EML6: variants seen among roughly 807,000 people sequenced by gnomAD.
The protein encoded by EML6 is EMAP like 6, also known as echinoderm microtubule-associated protein-like 6.
Under a neutral mutation model 240.1 loss-of-function variants are expected in EML6, and 154 were observed. That is an observed-to-expected ratio of 0.64 (90% confidence interval 0.56 to 0.73). The LOEUF (loss-of-function observed/expected upper bound fraction) is 0.73, where lower values mean the gene tolerates loss of function less well. Ranked by LOEUF, EML6 falls within the 30% of genes least tolerant of loss-of-function variation. The pLI, the probability that EML6 is intolerant of heterozygous loss-of-function variation, is 0.00. For synonymous variants in EML6, 1,148 were observed against 899.0 expected (o/e 1.28, Z -4.95); for missense variants, 2,964 against 2,474.6 (o/e 1.20, Z -4.20).
At chr2:54,953,403 T>C (rs1676077389) in intron 31 of EML6, among the ~76,000 whole-genome samples, 2 of 152,238 alleles carry the variant, frequency 1.3e-5, no homozygotes, top group African/African-American at 4.8e-5. Context: ...TCTTGCCGAA[T>C]TGCAGATACA....
In EML6 at chr2:54,863,735, CAG is replaced by C. The variant is rs1201110773; in HGVS notation, c.1826-45_1826-44del. 6 of 923,690 alleles carry C rather than the reference CAG, an allele frequency of 6.5e-6. No individual in the cohort carries two copies. In the East Asian group the frequency reaches 1.3e-4, roughly 21 times the overall value. The allele number at this position is 923,690 out of a possible 1,614,324, so 57.2% of individuals were successfully genotyped here. ...AATATTTTAGATAATTTCAGTTGCT[CAG>C]AGTCTCAGAATTTTTGCTTGTTTCT... On this transcript the variant is annotated intron_variant, in intron 12 of 41. Transcript: ENST00000356458.
intron 7 of EML6, among the ~76,000 whole-genome samples, chr2:54,842,289 A>C (rs1172628617): frequency 6.6e-6 from 1 of 152,148 alleles, no homozygotes; most frequent in African/African-American, 2.4e-5. Context: ...AACAGTTTTT[A>C]GAATGTTATA....
At chr2:54,800,369 C>A (rs999826443) in intron 2 of EML6, among the ~76,000 whole-genome samples, 1 of 152,018 alleles carries the variant, frequency 6.6e-6, no homozygotes, top group Non-Finnish European at 1.5e-5. Flanking sequence ...CCTCAAATGA[C>A]GCTTGAATTC....
chr2:54,745,875 G>A (rs1452398286), intron 2 of EML6, among the ~76,000 whole-genome samples: 3 of 152,218 alleles, frequency 2.0e-5, no homozygotes, highest in African/African-American at 7.2e-5. Flanking sequence ...CTGAGCAGGA[G>A]CAGAGTAGCC....
At chr2:54,829,557 T>A in intron 7 of EML6, 80 bp downstream of exon 7, 1 of 1,154,598 alleles carries the variant, frequency 8.7e-7, no homozygotes, top group Non-Finnish European at 1.2e-6. Flanking sequence ...TGTTTCTCTG[T>A]ACCCCATTTT....
rs991719356 is a variant in EML6 at position 54,813,388 on chromosome 2, A to G, written c.354A>G (p.Gly118=). ...CCTGCCTGGCTTTTGACTCAGATGG[A>G]CAGGTGTGTATCTTTTTTTAGTTGT... The part of the protein sequence containing the change: ...GVACLAFDSD[G]QRLASVGLDA... The change falls in exon 3 of 42, where the codon GGA becomes GGG. Residue 118 remains glycine, a synonymous_variant. Transcript: ENST00000356458. 3.9e-6 allele frequency: 6 copies of G among 1,550,556 alleles called. No homozygotes were observed. The highest frequency in any genetic ancestry group is 1.4e-5 in the African/African-American group (1 of 72,988).
chr2:54,891,118 G>T lies in EML6; in HGVS notation c.2503G>T (p.Val835Phe). The T allele has an allele frequency of 6.6e-7, 1 of 1,505,528 alleles. No individual in the cohort carries two copies. Among genetic ancestry groups the T allele is most frequent in the Non-Finnish European group, 9.0e-7 (1 of 1,112,594 alleles). 93.3% of individuals were successfully genotyped at this position (1,505,528 alleles called of 1,614,324 possible). The change falls in exon 18 of 42, where the codon GTT becomes TTT. Residue 835 changes from valine (V) to phenylalanine (F), a missense_variant. Physicochemically the swap from Val to Phe is conservative, Grantham distance 50 (BLOSUM62 -1). Coordinates refer to ENST00000356458, the MANE Select transcript of EML6 (RefSeq NM_001039753.4). ...ACACCATGTTGACAAACTGGTTACA[G>T]TTGGGATAAAACACATCAAATTCTG... ...NPHHVDKLVT[V>F]GIKHIKFWQQ...
chr2:54,941,024 A>C (rs1675402224), intron 28 of EML6, among the ~76,000 whole-genome samples: 1 of 152,258 alleles, frequency 6.6e-6, no homozygotes, highest in African/African-American at 2.4e-5. Context: ...TTCAGTCACC[A>C]AATCACCGTA....
chr2:54,887,272 G>A (rs1157467422), intron 17 of EML6, among the ~76,000 whole-genome samples: 1 of 152,156 alleles, frequency 6.6e-6, no homozygotes, highest in African/African-American at 2.4e-5. Context: ...TGGTTACTTA[G>A]TTCAGGGTTC....
intron 2 of EML6, among the ~76,000 whole-genome samples, chr2:54,779,871 A>T (rs1328913832): frequency 2.0e-5 from 3 of 151,236 alleles, no homozygotes. Flanking sequence ...AAAAGAAAAA[A>T]AAAAAAAAAA....
At chr2:54,883,731 T>G (rs552672919) in intron 17 of EML6, among the ~76,000 whole-genome samples, 5 of 152,326 alleles carry the variant, frequency 3.3e-5, no homozygotes, top group Admixed American at 2.0e-4. Flanking sequence ...CATGCACATG[T>G]GTGCACAAAC....
chr2:54,940,409 CCTT>C (rs950696436), intron 28 of EML6, among the ~76,000 whole-genome samples: 2 of 152,052 alleles, frequency 1.3e-5, no homozygotes, highest in African/African-American at 4.8e-5. Context: ...AAATTAATAG[CCTT>C]CTTTAATCCT....
intron 17 of EML6, among the ~76,000 whole-genome samples, chr2:54,886,524 T>A (rs375655641): frequency 1.3e-5 from 2 of 152,324 alleles, no homozygotes; most frequent in East Asian, 3.9e-4. Flanking sequence ...CTGGTGAGAA[T>A]GGAAAATGGT....
At position 54,725,307 on chromosome 2, in the gene EML6, G is replaced by A. The variant is rs1484166026; in HGVS notation, c.197+49G>A. The stretch of plus-strand genomic sequence containing the variant: ...GGGGAGGGGTTGCGTGTGGAGGCTG[G>A]GAAGGTGGGAAGCGGTTGACCTGGG... On this transcript the variant is annotated intron_variant, in intron 2 of 41. Coordinates refer to ENST00000356458, the MANE Select transcript of EML6 (RefSeq NM_001039753.4). The surrounding 1 kb of genome is among the most constrained non-coding windows in gnomAD (Gnocchi z 4.3). The A allele has an allele frequency of 3.0e-6, 4 of 1,336,312 alleles. No homozygotes were observed. The highest frequency in any genetic ancestry group is 3.9e-6 in the Non-Finnish European group (4 of 1,016,254). The allele number at this position is 1,336,312 out of a possible 1,614,324, so 82.8% of individuals were successfully genotyped here. A position where few individuals can be genotyped will look rare whatever the true frequency, so the allele number is the denominator to read the frequency against.
intron 2 of EML6, among the ~76,000 whole-genome samples, chr2:54,736,188 T>G (rs1683383822): frequency 6.6e-6 from 1 of 152,206 alleles, no homozygotes; most frequent in African/African-American, 2.4e-5. Context: ...ATTCCACAAG[T>G]TATGGAGACC....
intron 8 of EML6, 132 bp downstream of exon 8, chr2:54,844,380 C>G: frequency 1.4e-6 from 1 of 699,904 alleles, no homozygotes; most frequent in Non-Finnish European, 2.4e-6. Flanking sequence ...AGACATTTAG[C>G]TCATCAAGTG....
intron 28 of EML6, among the ~76,000 whole-genome samples, chr2:54,948,401 C>G (rs189256544): frequency 6.6e-6 from 1 of 152,280 alleles, no homozygotes; most frequent in African/African-American, 2.4e-5. Flanking sequence ...CCTTAGGGCC[C>G]TTTCCGCAGC....
chr2:54,884,705 A>G (rs1252830895), intron 17 of EML6, among the ~76,000 whole-genome samples: 1 of 152,250 alleles, frequency 6.6e-6, no homozygotes, highest in Admixed American at 6.5e-5. Flanking sequence ...TGTAAACTAA[A>G]AAGTTCTCAC....
At chr2:54,941,761 C>A (rs578139992) in intron 28 of EML6, among the ~76,000 whole-genome samples, 29 of 152,226 alleles carry the variant, frequency 1.9e-4, no homozygotes, top group African/African-American at 6.0e-4. Context: ...TGATGGCACA[C>A]GCGTAGTGCA....
Sources: gnomAD v4.1 joint callset for allele counts (sites outside exome capture counted in the v4.1 genomes callset) on GRCh38, gnomAD v4.1.1 for gene constraint, Gnocchi (gnomAD v3.1) non-coding constraint, MANE v1.5 for transcripts, NCBI Gene and HGNC (gene_info 2026-07-23, HGNC 2026-07-21) for gene names.